SAMD5: variants seen among roughly 807,000 people sequenced by gnomAD.
SAMD5 encodes sterile alpha motif domain containing 5.
SAMD5 carries 13 observed loss-of-function variants against 11.3 expected under a neutral mutation model. That is an observed-to-expected ratio of 1.15 (90% CI 0.75 to 1.83). SAMD5 has a LOEUF of 1.83. Ranked by LOEUF, SAMD5 falls within the 40% of genes most tolerant of loss-of-function variation. The probability of loss-of-function intolerance (pLI) is 0.00; values close to 1 mark genes in which losing one functional copy is unlikely to be tolerated. For missense variants in SAMD5, 255 were observed against 239.1 expected (o/e 1.07, Z -0.44); for synonymous variants, 129 against 111.3 (o/e 1.16, Z -1.00).
Position 147,732,916 on chromosome 6 carries a change from G to A in SAMD5, c.163-4401G>A, listed in dbSNP as rs534809643. On this transcript the variant is annotated intron_variant, in intron 1 of 1. Transcript: ENST00000566741. Reference sequence around the variant, plus strand: ...TCACTCTAAATGATACACAGAACTGGTTGTAAATTGTAATTTAACAGGTTG... The same window carrying A: ...TCACTCTAAATGATACACAGAACTGATTGTAAATTGTAATTTAACAGGTTG... Among the ~76,000 whole-genome samples, 10 of 152,320 alleles carry A rather than the reference G, an allele frequency of 6.6e-5. No homozygotes were observed. In the South Asian group the frequency reaches 1.9e-3, roughly 28 times the overall value.
chr6:147,653,822 AT>A (rs1238915346), intron 1 of SAMD5, among the ~76,000 whole-genome samples: 18 of 152,098 alleles, frequency 1.2e-4, no homozygotes, highest in African/African-American at 4.3e-4. Flanking sequence ...GGGCCTGTTA[AT>A]TGGTGAGCTC....
chr6:147,781,155 A>C, the SAMD5 span, among the ~76,000 whole-genome samples: 1 of 143,676 alleles, frequency 7.0e-6, no homozygotes. Flanking sequence ...TTGGTTTTGG[A>C]TTTGTTTTTT....
chr6:147,887,406 A>G, the SAMD5 span, among the ~76,000 whole-genome samples: 16 of 152,370 alleles, frequency 1.1e-4, no homozygotes, highest in Admixed American at 5.2e-4. Context: ...TGCATCTTCA[A>G]GAATTCTAGA....
chr6:147,658,044 T>C (rs760811152), intron 1 of SAMD5, among the ~76,000 whole-genome samples: 3 of 152,138 alleles, frequency 2.0e-5, no homozygotes, highest in Admixed American at 6.5e-5. Context: ...GTGGAAAAAA[T>C]AGACTTCTCA....
downstream of SAMD5, among the ~76,000 whole-genome samples, chr6:147,571,328 G>A (rs1050588812): frequency 6.6e-6 from 1 of 152,126 alleles, no homozygotes. Flanking sequence ...ATCACATCAC[G>A]TAAGTCAGCT....
At chr6:147,690,177 A>G (rs1791080352) in intron 1 of SAMD5, among the ~76,000 whole-genome samples, 1 of 152,208 alleles carries the variant, frequency 6.6e-6, no homozygotes, top group Non-Finnish European at 1.5e-5. Context: ...TAGGATATCT[A>G]TTTTTAAATC....
intron 1 of SAMD5, among the ~76,000 whole-genome samples, chr6:147,522,043 T>C (rs1788262885): frequency 1.3e-5 from 2 of 152,168 alleles, no homozygotes; most frequent in African/African-American, 2.4e-5. Flanking sequence ...TTAATGTTTT[T>C]GTTTCATTTT....
At chr6:147,538,998 G>T (rs1788557401) in intron 1 of SAMD5, among the ~76,000 whole-genome samples, 1 of 152,138 alleles carries the variant, frequency 6.6e-6, no homozygotes, top group African/African-American at 2.4e-5. Flanking sequence ...GCACTTAGAA[G>T]ATTTTTCATT....
the SAMD5 span, among the ~76,000 whole-genome samples, chr6:147,800,328 G>A: frequency 6.6e-6 from 1 of 152,200 alleles, no homozygotes; most frequent in Non-Finnish European, 1.5e-5. Context: ...GTACCCTGCA[G>A]TGTGAGGTGT....
rs574770929 is a variant in SAMD5 at position 147,653,159 on chromosome 6, G to A, written c.163-84158G>A. ...AAATCATTTCACATTTAAAATCCAC[G>A]TATTTCCTAGAAATGTACCAAATTT... On this transcript the variant is annotated intron_variant, in intron 1 of 1. Coordinates refer to the SAMD5 transcript ENST00000566741. Among the ~76,000 whole-genome samples, 9 of 152,206 alleles carry A rather than the reference G, an allele frequency of 5.9e-5. No individual in the cohort carries two copies. The South Asian group carries it at 1.2e-3, about 21-fold the overall frequency.
chr6:147,823,870 T>C, the SAMD5 span, among the ~76,000 whole-genome samples: 3 of 152,240 alleles, frequency 2.0e-5, no homozygotes, highest in South Asian at 6.2e-4. Context: ...TTCCAGTGTA[T>C]ACTTTTTACA....
chr6:147,834,582 C>T, the SAMD5 span, among the ~76,000 whole-genome samples: 1 of 152,180 alleles, frequency 6.6e-6, no homozygotes, highest in Non-Finnish European at 1.5e-5. Context: ...GATATGTGCA[C>T]TCATTTGTAT....
Position 147,733,251 on chromosome 6 carries a change from ATTAAACAGCCAGG to A in SAMD5, c.163-4063_163-4051del, listed in dbSNP as rs1791743761. On this transcript the variant is annotated intron_variant, in intron 1 of 1. Coordinates refer to the SAMD5 transcript ENST00000566741. ...CATCAAGTTTGAAGGGATGCCAAGG[ATTAAACAGCCAGG>A]TTTCTTCTTTTTTCCAATGTAATGT... Among the ~76,000 whole-genome samples the A allele has an allele frequency of 3.3e-5, 5 of 152,248 alleles. No individual in the cohort carries two copies. In the South Asian group the frequency reaches 1.0e-3, roughly 31 times the overall value.
At chr6:147,656,780 C>A (rs1258849836) in intron 1 of SAMD5, among the ~76,000 whole-genome samples, 1 of 152,036 alleles carries the variant, frequency 6.6e-6, no homozygotes, top group Non-Finnish European at 1.5e-5. Context: ...CAAATGGTAC[C>A]ATTCCTATGA....
chr6:147,899,735 T>C, the SAMD5 span, among the ~76,000 whole-genome samples: 1 of 152,200 alleles, frequency 6.6e-6, no homozygotes, highest in Non-Finnish European at 1.5e-5. Context: ...AAGCTCTCCC[T>C]TACAAAAGCC....
the SAMD5 span, among the ~76,000 whole-genome samples, chr6:147,867,497 G>T: frequency 6.6e-6 from 1 of 151,944 alleles, no homozygotes. Flanking sequence ...CAGTTCATTT[G>T]TGATGGGATG....
Position 147,567,830 on chromosome 6 carries a change from G to A in SAMD5, c.*3374G>A. On this transcript the variant is annotated 3_prime_UTR_variant, in exon 2 of 2. Transcript: ENST00000367474. ...AAGGCTACAGTACCTGCTCATAGGA[G>A]TTCAGTAAATGTTTATTGATTGAAT... is the stretch of plus-strand genomic sequence containing the variant. The A allele has an allele frequency of 2.0e-6, 2 of 985,096 alleles. No homozygotes were observed. Among genetic ancestry groups the A allele is most frequent in the East Asian group, 1.1e-4 (1 of 8,810 alleles). The allele number at this position is 985,096 out of a possible 1,614,324, so 61.0% of individuals were successfully genotyped here.
chr6:147,814,205 T>C, the SAMD5 span, among the ~76,000 whole-genome samples: 16 of 152,346 alleles, frequency 1.1e-4, no homozygotes, highest in African/African-American at 3.6e-4. Context: ...ATCTCTGTTC[T>C]TTGTCACAGT....
chr6:147,557,474 CT>C (rs1429476948), intron 1 of SAMD5, among the ~76,000 whole-genome samples: 2 of 152,212 alleles, frequency 1.3e-5, no homozygotes, highest in African/African-American at 4.8e-5. Context: ...CTTTCCTTGT[CT>C]TTTCCAGCTT....
Sources: gnomAD v4.1 joint callset for allele counts (sites outside exome capture counted in the v4.1 genomes callset) on GRCh38, gnomAD v4.1.1 for gene constraint, MANE v1.5 for transcripts, NCBI Gene and HGNC (gene_info 2026-07-23, HGNC 2026-07-21) for gene names.